The following SLC12A8 variants were observed in gnomAD, a reference collection of about 807,000 sequenced individuals.
SLC12A8 encodes cation-chloride cotransporter 9.
In SLC12A8, 69 loss-of-function variants were observed where a neutral mutation model predicts 75.6. The ratio of observed to expected loss-of-function variants is 0.91; its 90% confidence interval spans 0.75 to 1.11. SLC12A8 has a LOEUF of 1.11. SLC12A8 is among the 50% of genes most tolerant of loss of function. The pLI is 0.00. For missense variants in SLC12A8, 877 were observed against 896.7 expected (o/e 0.98, Z 0.28); for synonymous variants, 365 against 372.8 (o/e 0.98, Z 0.24).
intron 8 of SLC12A8, among the ~76,000 whole-genome samples, chr3:125,115,558 G>T (rs1029886014): frequency 2.6e-5 from 4 of 151,686 alleles, no homozygotes; most frequent in African/African-American, 9.7e-5. Flanking sequence ...GTAAAAAGAC[G>T]CTTCTTAGAG....
chr3:125,197,009 T>C (rs1935020626), intron 2 of SLC12A8, among the ~76,000 whole-genome samples: 1 of 152,220 alleles, frequency 6.6e-6, no homozygotes. Flanking sequence ...GATTTCTAAA[T>C]ATCATTCTTC....
intron 6 of SLC12A8, among the ~76,000 whole-genome samples, chr3:125,129,884 G>A (rs371656905): frequency 4.6e-5 from 7 of 152,318 alleles, no homozygotes; most frequent in African/African-American, 1.2e-4. Context: ...ACAGAGACAC[G>A]GAGGGCAGCT....
In SLC12A8 at chr3:125,092,127, A is replaced by G; in HGVS notation, c.1777T>C (p.Cys593Arg). ...RRSTSFYTHM[C>R]NPWVSLLGAV... ...CCCAACAGGGAGACCCAGGGGTTGC[A>G]CATGTGGGTATAGAAAGAAGTGGAT... Residue 593 changes from cysteine (C) to arginine (R), a missense_variant, in exon 11 of 14, where the codon TGC becomes CGC. By Grantham distance (180) the Cys-to-Arg change is radical (BLOSUM62 -3). Transcript: ENST00000469902. The G allele has an allele frequency of 6.2e-7, 1 of 1,612,912 alleles. No individual in the cohort carries two copies. The highest frequency in any genetic ancestry group is 8.5e-7 in the Non-Finnish European group (1 of 1,179,100).
At position 125,188,142 on chromosome 3, in the gene SLC12A8, C is replaced by A. The variant is rs372025106; in HGVS notation, c.199-714G>T. ...CCTCGTGAATGGCTTGGTGTCCTCC[C>A]ACAGTAATGGGTGAGTTCTCACTCT... On this transcript the variant is annotated intron_variant, in intron 3 of 13. Transcript: ENST00000469902. 1.6e-4 allele frequency among the ~76,000 whole-genome samples: 25 copies of A among 152,272 alleles called. 1 individual carries two copies. In the South Asian group the frequency reaches 2.5e-3, roughly 15 times the overall value.
intron 6 of SLC12A8, among the ~76,000 whole-genome samples, chr3:125,122,083 G>C (rs1053650571): frequency 6.6e-5 from 10 of 152,192 alleles, no homozygotes; most frequent in African/African-American, 2.4e-4. Context: ...CTAGGTCTCA[G>C]AATATTGTAA....
At chr3:125,176,228 G>T (rs950482356) in intron 5 of SLC12A8, among the ~76,000 whole-genome samples, 1 of 152,072 alleles carries the variant, frequency 6.6e-6, no homozygotes, top group East Asian at 1.9e-4. Context: ...AACAGATCTC[G>T]CTAAATAATT....
chr3:125,212,674 A>G (rs1935360968), intron 1 of SLC12A8, 26 bp downstream of exon 1: 1 of 151,744 alleles, frequency 6.6e-6, no homozygotes. Flanking sequence ...CACCCTCTCC[A>G]CCCCCCACAG....
Position 125,187,410 on chromosome 3 carries a change from G to A in SLC12A8, c.217C>T (p.Leu73=), listed in dbSNP as rs369717711. 8 of 1,614,170 alleles carry A rather than the reference G, an allele frequency of 5.0e-6. No individual in the cohort carries two copies. Among genetic ancestry groups the A allele is most frequent in the Non-Finnish European group, 6.8e-6 (8 of 1,180,018 alleles). ...ACGAAGGACACCAGGAACATGCCCAGGAGCACTCCTGTGTTTCCCTGCAGC... is the reference window on the plus strand; with the variant it reads ...ACGAAGGACACCAGGAACATGCCCAAGAGCACTCCTGTGTTTCCCTGCAGC... ...GWLVGNTGVL[L]GMFLVSFVIL... is the part of the protein sequence containing the mutation. Residue 73 remains leucine (L), a synonymous_variant, in exon 4 of 14, where the codon CTG becomes TTG. Coordinates refer to ENST00000469902, the MANE Select transcript of SLC12A8 (RefSeq NM_024628.6).
At chr3:125,199,477 T>C (rs144940829) in intron 2 of SLC12A8, among the ~76,000 whole-genome samples, 1 of 152,182 alleles carries the variant, frequency 6.6e-6, no homozygotes, top group East Asian at 1.9e-4. Context: ...GGCAGTGGCT[T>C]ATGCCTGTAA....
chr3:125,119,992 G>A, intron 7 of SLC12A8: 1 of 432,120 alleles, frequency 2.3e-6, no homozygotes, highest in South Asian at 1.6e-5. Context: ...AAACCCCAGA[G>A]GCCTGACGGC....
At chr3:125,198,647 C>T (rs843823) in intron 2 of SLC12A8, among the ~76,000 whole-genome samples, 105,267 of 151,876 alleles carry the variant, frequency 0.69, 36,626 homozygotes, top group East Asian at 0.85. Context: ...TAAAATAAAA[C>T]GAGAGAAATC....
At chr3:125,089,877 T>C (rs776591210) in intron 12 of SLC12A8, among the ~76,000 whole-genome samples, 6 of 151,374 alleles carry the variant, frequency 4.0e-5, no homozygotes, top group Non-Finnish European at 8.8e-5. Context: ...TTTTCTAACG[T>C]AAGCATTTGA....
At chr3:125,133,331 C>T (rs2107759432) in intron 6 of SLC12A8, among the ~76,000 whole-genome samples, 1 of 151,920 alleles carries the variant, frequency 6.6e-6, no homozygotes, top group South Asian at 2.1e-4. Context: ...AAAACCATCA[C>T]TATAATCAGG....
At chr3:125,115,243 C>T (rs747744522) in intron 8 of SLC12A8, among the ~76,000 whole-genome samples, 2 of 152,088 alleles carry the variant, frequency 1.3e-5, no homozygotes, top group Admixed American at 6.6e-5. Flanking sequence ...AAGACGTCGC[C>T]GGGCGCAGTA....
chr3:125,174,806 C>T (rs935704265), intron 5 of SLC12A8, among the ~76,000 whole-genome samples: 1 of 152,058 alleles, frequency 6.6e-6, no homozygotes. Context: ...CAGTGGTTGC[C>T]AGGAGTTGGG....
At chr3:125,189,961 A>G (rs529594935) in intron 3 of SLC12A8, among the ~76,000 whole-genome samples, 3 of 152,286 alleles carry the variant, frequency 2.0e-5, no homozygotes, top group African/African-American at 4.8e-5. Context: ...CCCCATGCAC[A>G]GTCTTACCTA....
intron 6 of SLC12A8, among the ~76,000 whole-genome samples, chr3:125,124,397 G>T (rs1294123421): frequency 6.6e-6 from 1 of 152,100 alleles, no homozygotes; most frequent in Non-Finnish European, 1.5e-5. Flanking sequence ...TGTGATCTTG[G>T]CTCACTGCAA....
rs767643191 is a variant in SLC12A8 at position 125,107,895 on chromosome 3, C to T, written c.1291G>A (p.Glu431Lys). 2 of 1,614,216 alleles carry T rather than the reference C, an allele frequency of 1.2e-6. No homozygotes were observed. The highest frequency in any genetic ancestry group is 2.2e-5 in the East Asian group (1 of 44,876). Residue 431 changes from glutamate to lysine, a missense_variant, in exon 10 of 14, where the codon GAG becomes AAG. Physicochemically the swap from Glu to Lys is moderately conservative, Grantham distance 56. Transcript: ENST00000469902. ...GGAGCTTTCTCTAAGAGCAGGTGCT[C>T]AGAGCAGTGGAGGCCTTCTGCGCCC... Reference protein sequence around the residue: ...REGAEGLHCSEHLLLEKAPSY... With the variant: ...REGAEGLHCSKHLLLEKAPSY...
At chr3:125,122,322 C>T (rs549778318) in intron 6 of SLC12A8, among the ~76,000 whole-genome samples, 3 of 152,100 alleles carry the variant, frequency 2.0e-5, no homozygotes, top group South Asian at 2.1e-4. Flanking sequence ...CATTTTGAAA[C>T]GTGAAAACTT....
Sources: allele counts gnomAD v4.1 joint callset (sites outside exome capture counted in the v4.1 genomes callset), GRCh38; gene constraint gnomAD v4.1.1; transcripts MANE v1.5; gene names NCBI Gene and HGNC (gene_info 2026-07-23, HGNC 2026-07-21).